The following OSBP2 variants were observed in gnomAD, a reference collection of about 807,000 sequenced individuals.
OSBP2 encodes the protein oxysterol-binding protein 2.
A neutral mutation model predicts 96.0 loss-of-function variants in OSBP2; 66 were observed. That is an observed-to-expected ratio of 0.69 (90% CI 0.56 to 0.84). The LOEUF (loss-of-function observed/expected upper bound fraction) is 0.84, where lower values mean the gene tolerates loss of function less well. Ranked by LOEUF, OSBP2 falls within the 40% of genes least tolerant of loss-of-function variation. The pLI is 0.00. For synonymous variants in OSBP2, 525 were observed against 520.9 expected, an observed-to-expected ratio of 1.01 and a Z score of -0.11; for missense variants, 1,038 against 1,222.7, an observed-to-expected ratio of 0.85 and a Z score of 2.25.
At chr22:30,732,565 A>G (rs968427474) in intron 1 of OSBP2, among the ~76,000 whole-genome samples, 4 of 152,138 alleles carry the variant, frequency 2.6e-5, no homozygotes, top group Admixed American at 2.6e-4. Flanking sequence ...GATCAGTGGA[A>G]TCTTTGTTTC....
In OSBP2 at chr22:30,781,037, G is replaced by A. The variant is rs141945815; in HGVS notation, c.853+39668G>A. Among the ~76,000 whole-genome samples, 1,489 of 149,952 alleles carry A rather than the reference G, an allele frequency of 9.9e-3. 44 individuals are homozygous for A. The highest frequency in any genetic ancestry group is 0.042 in the Admixed American group (633 of 15,104). ...GTCACTCAGGCTGGAGTACAGTGGC[G>A]TGATCTCGGCTCACTGCAACCTTCA... is the stretch of plus-strand genomic sequence containing the variant. On this transcript the variant is annotated intron_variant, in intron 2 of 13. Transcript: ENST00000332585.
intron 2 of OSBP2, among the ~76,000 whole-genome samples, chr22:30,868,902 C>A (rs1280854763): frequency 6.6e-6 from 1 of 151,846 alleles, no homozygotes; most frequent in Non-Finnish European, 1.5e-5. Context: ...CATTATTTTT[C>A]AAAAAAAGTC....
At chr22:30,718,910 C>G (rs773477782) in intron 1 of OSBP2, among the ~76,000 whole-genome samples, 1 of 152,116 alleles carries the variant, frequency 6.6e-6, no homozygotes, top group African/African-American at 2.4e-5. Context: ...CTGAGTTGTT[C>G]ATGCACTGTG....
chr22:30,849,634 A>G (rs751403658), intron 2 of OSBP2, among the ~76,000 whole-genome samples: 32 of 152,238 alleles, frequency 2.1e-4, no homozygotes, highest in Non-Finnish European at 8.8e-5. Flanking sequence ...TATTGTGAAT[A>G]CAAGTTGTCA....
At chr22:30,834,518 T>C (rs2038592859) in intron 2 of OSBP2, among the ~76,000 whole-genome samples, 1 of 152,248 alleles carries the variant, frequency 6.6e-6, no homozygotes. Context: ...TTTCTGGGTT[T>C]TGTTTGTTTT....
intron 2 of OSBP2, among the ~76,000 whole-genome samples, chr22:30,762,456 G>T (rs946912609): frequency 6.6e-6 from 1 of 151,656 alleles, no homozygotes; most frequent in Admixed American, 6.6e-5. Flanking sequence ...GCTGAGGCAG[G>T]GGGTGAACCC....
upstream of OSBP2, chr22:30,693,912 C>A (rs1318080999): frequency 2.9e-6 from 2 of 690,460 alleles, no homozygotes; most frequent in Non-Finnish European, 4.8e-6. Flanking sequence ...CTGCAGTGAA[C>A]CAAGATCACG....
chr22:30,785,291 C>CGGCACA (rs1157547311), intron 2 of OSBP2, among the ~76,000 whole-genome samples: 1 of 151,964 alleles, frequency 6.6e-6, no homozygotes, highest in Non-Finnish European at 1.5e-5. Context: ...CTTTCCGGCC[C>CGGCACA]GGCACAGTGG....
Position 30,906,255 on chromosome 22 carries a change from C to A in OSBP2, c.2667C>A (p.Thr889=). 1.2e-6 allele frequency: 2 copies of A among 1,614,154 alleles called. No individual in the cohort carries two copies. Among genetic ancestry groups the A allele is most frequent in the African/African-American group, 1.3e-5 (1 of 75,054 alleles). The change falls in exon 14 of 14, where the codon ACC becomes ACA. Residue 889 remains threonine, a synonymous_variant. Coordinates refer to ENST00000332585, the MANE Select transcript of OSBP2 (RefSeq NM_030758.4). ...LWFEKRLDPL[T]GEMACVYKGG... is the part of the protein sequence containing the mutation. ...TTGAGAAGAGGCTGGATCCGCTGAC[C>A]GGGGAGATGGCCTGTGTGTACAAGG... is the stretch of plus-strand genomic sequence containing the variant.
At chr22:30,886,110 T>C (rs184360859) in intron 3 of OSBP2, among the ~76,000 whole-genome samples, 7 of 152,362 alleles carry the variant, frequency 4.6e-5, no homozygotes, top group Admixed American at 3.3e-4. Context: ...AGCCATGACA[T>C]AGCTCTTGGG....
chr22:30,902,432 A>G, intron 12 of OSBP2: 1 of 1,585,432 alleles, frequency 6.3e-7, no homozygotes, highest in Non-Finnish European at 8.6e-7. Context: ...CAGTCACTTC[A>G]TGTGGACATT....
intron 13 of OSBP2, 62 bp downstream of exon 13, chr22:30,906,131 G>A (rs759306108): frequency 1.3e-5 from 21 of 1,610,078 alleles, no homozygotes; most frequent in South Asian, 2.2e-5. Context: ...TGGGGGTGCC[G>A]CAGGGACGGA....
chr22:30,717,355 G>A (rs778279266), intron 1 of OSBP2, among the ~76,000 whole-genome samples: 2 of 152,128 alleles, frequency 1.3e-5, no homozygotes, highest in African/African-American at 4.8e-5. Context: ...ATCATTTGTT[G>A]AAGAGACTGT....
chr22:30,726,196 G>C (rs760708298), intron 1 of OSBP2, among the ~76,000 whole-genome samples: 1 of 152,174 alleles, frequency 6.6e-6, no homozygotes, highest in Non-Finnish European at 1.5e-5. Context: ...TAAAAATGTA[G>C]AGATGTCATT....
At chr22:30,898,090 C>T (rs915375085) in intron 12 of OSBP2, among the ~76,000 whole-genome samples, 5 of 151,958 alleles carry the variant, frequency 3.3e-5, no homozygotes, top group South Asian at 2.1e-4. Context: ...GAAAGTTCAA[C>T]ATAGAAATCC....
rs535605738 is a variant in OSBP2, at chr22:30,881,522, T to C, written c.1108-5904T>C. 3.0e-4 allele frequency among the ~76,000 whole-genome samples: 45 copies of C among 152,234 alleles called. No individual in the cohort carries two copies. Among genetic ancestry groups the C allele is most frequent in the Admixed American group, 2.7e-3 (42 of 15,284 alleles). On this transcript the variant is annotated intron_variant, in intron 3 of 13. Transcript: ENST00000332585. This position sits in a 1 kb window ranked among gnomAD's most constrained non-coding sequence, Gnocchi z 4.5. ...TGAGCACGAGTCTCCTGGCCCCAGG[T>C]AGAGTTGTCACACAGCCTCAGAGAA... is the stretch of plus-strand genomic sequence containing the variant.
chr22:30,741,182 C>T lies in OSBP2; in HGVS notation c.666C>T (p.His222=). ...SYYRNQGEMA[H]TCRGTINLST... The stretch of plus-strand genomic sequence containing the variant: ...ACAGAAATCAGGGTGAAATGGCCCA[C>T]ACGTGCCGTGGAACCATCAACCTGT... The change falls in exon 2 of 14, where the codon CAC becomes CAT. Residue 222 remains histidine (H), a synonymous_variant. Coordinates refer to ENST00000332585, the MANE Select transcript of OSBP2 (RefSeq NM_030758.4). 6.2e-7 allele frequency: 1 copy of T among 1,614,090 alleles called. No individual in the cohort carries two copies. The highest frequency in any genetic ancestry group is 8.5e-7 in the Non-Finnish European group (1 of 1,179,934).
chr22:30,827,901 A>G (rs558358636), intron 2 of OSBP2, among the ~76,000 whole-genome samples: 4 of 152,348 alleles, frequency 2.6e-5, no homozygotes, highest in Non-Finnish European at 5.9e-5. Flanking sequence ...ACTGAGGCTC[A>G]AGGAAGAGAG....
intron 2 of OSBP2, among the ~76,000 whole-genome samples, chr22:30,744,750 G>A (rs2089977822): frequency 6.6e-6 from 1 of 152,050 alleles, no homozygotes. Flanking sequence ...AACAGAGTGA[G>A]ACTCTGTCTC....
Sources: gnomAD v4.1 joint callset for allele counts (sites outside exome capture counted in the v4.1 genomes callset) on GRCh38, gnomAD v4.1.1 for gene constraint, Gnocchi (gnomAD v3.1) non-coding constraint, MANE v1.5 for transcripts, NCBI Gene and HGNC (gene_info 2026-07-23, HGNC 2026-07-21) for gene names.